The following TTBK2 variants were observed in gnomAD, a reference collection of about 807,000 sequenced individuals.
The protein encoded by TTBK2 is tau tubulin kinase 2.
Under a neutral mutation model 110.8 loss-of-function variants are expected in TTBK2, and 28 were observed. The observed-to-expected ratio is 0.25, with a 90% CI of 0.19 to 0.35. The LOEUF is 0.35. Ranked by LOEUF, TTBK2 falls within the 10% of genes least tolerant of loss-of-function variation. The pLI is 1.00. For missense variants in TTBK2, 1,369 were observed against 1,500.3 expected, an observed-to-expected ratio of 0.91 and a Z score of 1.45; for synonymous variants, 532 against 527.3, an observed-to-expected ratio of 1.01 and a Z score of -0.12.
rs559117543 is a variant in TTBK2, at chr15:42,801,410, G to A, written c.823-6609C>T. On this transcript the variant is annotated intron_variant, in intron 9 of 14. Transcript: ENST00000267890. ...GCTCCCCACGCTGCTCGGTATCTGC[G>A]TGGCAGCCTCCAGGGAAGCCCTCTG... The A allele has an allele frequency of 3.0e-5, 34 of 1,139,186 alleles. 1 individual carries two copies. The South Asian group carries it at 3.9e-4, about 13-fold the overall frequency. The allele number at this position is 1,139,186 out of a possible 1,614,324, so 70.6% of individuals were successfully genotyped here. A position where few individuals can be genotyped will look rare whatever the true frequency, so the allele number is the denominator to read the frequency against.
chr15:42,763,121 C>T lies in TTBK2; in HGVS notation c.1999-9874G>A, dbSNP rs1396462403. 2.2e-3 allele frequency among the ~76,000 whole-genome samples: 189 copies of T among 86,282 alleles called. 6 individuals carry two copies. The highest frequency in any genetic ancestry group is 0.011 in the African/African-American group (174 of 16,120). The allele number at this position is 86,282 out of a possible 152,430, so 56.6% of individuals were successfully genotyped here. On this transcript the variant is annotated intron_variant, in intron 13 of 14. Transcript: ENST00000267890. ...ATATATACGTATATATATATATACA[C>T]ATATATATACATATATACATACATA...
In TTBK2 at chr15:42,794,705, T is replaced by C. The variant is rs1890856121; in HGVS notation, c.919A>G (p.Thr307Ala). The C allele has an allele frequency of 6.2e-7, 1 of 1,614,138 alleles. No homozygotes were observed. Among genetic ancestry groups the C allele is most frequent in the Non-Finnish European group, 8.5e-7 (1 of 1,180,028 alleles). Residue 307 changes from threonine to alanine, a missense_variant, in exon 10 of 15, where the codon ACA becomes GCA. Around this residue, in one of 4 missense-constraint regions of TTBK2, gnomAD observed 138 missense variants for 179.0 expected, o/e 0.77. Coordinates refer to ENST00000267890, the MANE Select transcript of TTBK2 (RefSeq NM_173500.4). Reference sequence around the variant, plus strand: ...GGGGTGGTAGAAGTAGTGGTGGTTGTTAGGGAGCCATCATTTCCAGTCTTC... The same window carrying C: ...GGGGTGGTAGAAGTAGTGGTGGTTGCTAGGGAGCCATCATTTCCAGTCTTC... ...WEKTGNDGSL[T>A]TTTTSTTPQL...
intron 6 of TTBK2, among the ~76,000 whole-genome samples, chr15:42,822,123 GTTTTC>G (rs1892330228): frequency 6.6e-6 from 1 of 152,026 alleles, no homozygotes; most frequent in East Asian, 1.9e-4. Context: ...TTATTGTGTT[GTTTTC>G]TTTTTATTGA....
chr15:42,769,560 T>C (rs1889560369), intron 13 of TTBK2, among the ~76,000 whole-genome samples: 1 of 152,184 alleles, frequency 6.6e-6, no homozygotes, highest in Admixed American at 6.5e-5. Context: ...CACAGTGAGA[T>C]ACCATCTCAC....
chr15:42,915,761 AC>A (rs1202517407), intron 1 of TTBK2, among the ~76,000 whole-genome samples: 1 of 152,214 alleles, frequency 6.6e-6, no homozygotes, highest in Non-Finnish European at 1.5e-5. Context: ...AGCCTGGGCA[AC>A]ATAGTGGGAC....
intron 1 of TTBK2, among the ~76,000 whole-genome samples, chr15:42,902,452 G>C (rs965909505): frequency 6.6e-6 from 1 of 151,998 alleles, no homozygotes; most frequent in African/African-American, 2.4e-5. Flanking sequence ...CCCAGGAGGC[G>C]GAGATTGCGG....
At chr15:42,750,023 C>T (rs1451556318) in intron 14 of TTBK2, among the ~76,000 whole-genome samples, 1 of 152,086 alleles carries the variant, frequency 6.6e-6, no homozygotes, top group Non-Finnish European at 1.5e-5. Context: ...GAGTTAGAGG[C>T]TGCAATAAGT....
chr15:42,817,463 A>G lies in TTBK2; in HGVS notation c.538-366T>C, dbSNP rs544869529. Among the ~76,000 whole-genome samples, 10 of 152,304 alleles carry G rather than the reference A, an allele frequency of 6.6e-5. No homozygotes were observed. The East Asian group carries it at 1.9e-3, about 29-fold the overall frequency. On this transcript the variant is annotated intron_variant, in intron 6 of 14. Transcript: ENST00000267890. The stretch of plus-strand genomic sequence containing the variant: ...ACATTAATATTCAGGTTCTGATACA[A>G]ATAAATATATTTAGATGGTGAGGAA...
chr15:42,752,808 T>C lies in TTBK2; in HGVS notation c.2438A>G (p.Glu813Gly). 1 of 1,614,198 alleles carries C rather than the reference T, an allele frequency of 6.2e-7. No homozygotes were observed. The highest frequency in any genetic ancestry group is 8.5e-7 in the Non-Finnish European group (1 of 1,180,032). ...TTCAGTAGTAGCTGAGTGATCCTTT[T>C]CCACAATTACCAAATCTCCTGGGAG... ...SSLPGDLVIV[E>G]KDHSATTEPL... The change falls in exon 14 of 15, where the codon GAA (glutamate) becomes GGA (glycine). Residue 813 changes from glutamate to glycine, a missense_variant. Coordinates refer to ENST00000267890, the MANE Select transcript of TTBK2 (RefSeq NM_173500.4).
chr15:42,793,678 G>A (rs557647746), intron 10 of TTBK2, among the ~76,000 whole-genome samples: 3 of 152,006 alleles, frequency 2.0e-5, no homozygotes, highest in South Asian at 2.1e-4. Context: ...GTGAAACCCC[G>A]TCTCTACTAA....
At chr15:42,784,271 TAAC>T (rs1355422169) in intron 10 of TTBK2, among the ~76,000 whole-genome samples, 1 of 152,128 alleles carries the variant, frequency 6.6e-6, no homozygotes, top group Non-Finnish European at 1.5e-5. Flanking sequence ...CTGTCAATTA[TAAC>T]AACATTTTTT....
In TTBK2 at chr15:42,752,536, C is replaced by T. The variant is rs1300116213; in HGVS notation, c.2710G>A (p.Gly904Ser). 1 of 1,614,028 alleles carries T rather than the reference C, an allele frequency of 6.2e-7. No homozygotes were observed. Among genetic ancestry groups the T allele is most frequent in the Non-Finnish European group, 8.5e-7 (1 of 1,180,020 alleles). Residue 904 changes from glycine (G) to serine (S), a missense_variant, in exon 14 of 15, where the codon GGC becomes AGC. Around this residue, in one of 4 missense-constraint regions of TTBK2, gnomAD observed 1,097 missense variants for 1,114.7 expected, o/e 0.98. Coordinates refer to ENST00000267890, the MANE Select transcript of TTBK2 (RefSeq NM_173500.4). ...GDLSTFLHQE[G>S]KREKITPRNG... The stretch of plus-strand genomic sequence containing the variant: ...CTAGGGGTGATTTTCTCTCTCTTGC[C>T]CTCTTGGTGCAAAAAAGTAGAGAGG...
intron 3 of TTBK2, among the ~76,000 whole-genome samples, chr15:42,862,259 A>T (rs891058336): frequency 1.3e-5 from 2 of 152,184 alleles, no homozygotes; most frequent in Non-Finnish European, 2.9e-5. Flanking sequence ...GCCTGATACC[A>T]AAATTTGGCA....
At chr15:42,901,615 TAAA>T (rs770303940) in intron 1 of TTBK2, among the ~76,000 whole-genome samples, 3 of 117,268 alleles carry the variant, frequency 2.6e-5, no homozygotes, top group Non-Finnish European at 3.6e-5. Flanking sequence ...ACCTCGTCTC[TAAA>T]AAAAAAAAAA....
intron 13 of TTBK2, 134 bp from the exon 14 acceptor site, chr15:42,753,381 A>C: frequency 1.1e-6 from 1 of 901,230 alleles, no homozygotes; most frequent in South Asian, 1.7e-5. Context: ...CCAACTTATA[A>C]GAAAAATGAA....
At position 42,778,600 on chromosome 15, in the gene TTBK2, G is replaced by A. The variant is rs550318630; in HGVS notation, c.1198-1358C>T. On this transcript the variant is annotated intron_variant, in intron 11 of 14. Transcript: ENST00000267890. ...GGAGAATCACTTGAACCCAGGAGAC[G>A]GAGGTTGCAGTGAGCCGAGATCGTG... 8.5e-5 allele frequency among the ~76,000 whole-genome samples: 13 copies of A among 152,190 alleles called. No individual in the cohort carries two copies. The South Asian group carries it at 2.7e-3, about 32-fold the overall frequency.
intron 10 of TTBK2, among the ~76,000 whole-genome samples, chr15:42,788,535 C>T (rs1025510134): frequency 1.1e-4 from 16 of 152,128 alleles, no homozygotes; most frequent in African/African-American, 3.9e-4. Flanking sequence ...CTTGAATATC[C>T]TGCAGTTGTT....
chr15:42,810,581 T>C, intron 9 of TTBK2, 33 bp downstream of exon 9: 1 of 1,612,388 alleles, frequency 6.2e-7, no homozygotes, highest in Non-Finnish European at 8.5e-7. Flanking sequence ...AGAGAGAAAA[T>C]AACTAACCCA....
At chr15:42,764,788 T>C (rs764826542) in intron 13 of TTBK2, among the ~76,000 whole-genome samples, 3 of 152,202 alleles carry the variant, frequency 2.0e-5, no homozygotes, top group Admixed American at 6.5e-5. Context: ...GCTCGGAGAA[T>C]GGACAGACTG....
Sources: allele counts gnomAD v4.1 joint callset (sites outside exome capture counted in the v4.1 genomes callset), GRCh38; gene constraint gnomAD v4.1.1; regional missense constraint gnomAD v4.1.1; transcripts MANE v1.5; gene names NCBI Gene and HGNC (gene_info 2026-07-23, HGNC 2026-07-21).